The following CDH18 variants were observed in gnomAD, a reference collection of about 807,000 sequenced individuals.
CDH18 encodes the protein cadherin 18.
Under a neutral mutation model 67.9 loss-of-function variants are expected in CDH18, and 31 were observed. That is an observed-to-expected ratio of 0.46 (90% CI 0.34 to 0.62). The LOEUF is 0.62. Among genes scored for constraint, CDH18 ranks in the 20% least tolerant of loss-of-function variants. The probability of loss-of-function intolerance (pLI) is 0.01; values close to 1 mark genes in which losing one functional copy is unlikely to be tolerated. For missense variants in CDH18, 890 were observed against 975.5 expected (o/e 0.91, Z 1.17); for synonymous variants, 362 against 347.2 (o/e 1.04, Z -0.48).
chr5:19,809,383 A>G lies in CDH18; in HGVS notation c.228+29376T>C, dbSNP rs150116583. ...ACTTTCATTCTCCTTAAGATATAGA[A>G]TTAGAATGGAGCTGTCTGAAGAAAG... On this transcript the variant is annotated intron_variant, in intron 3 of 12. Coordinates refer to ENST00000382275, the MANE Select transcript of CDH18 (RefSeq NM_004934.5). 5.9e-3 allele frequency among the ~76,000 whole-genome samples: 897 copies of G among 152,292 alleles called. 6 individuals are homozygous for G. The highest frequency in any genetic ancestry group is 0.021 in the African/African-American group (869 of 41,568).
At chr5:20,571,832 T>C (rs1758838051) in intron 1 of CDH18, among the ~76,000 whole-genome samples, 2 of 152,094 alleles carry the variant, frequency 1.3e-5, no homozygotes, top group Admixed American at 1.3e-4. Context: ...TCACATTGTG[T>C]ATGTCACTTC....
At chr5:20,184,794 CTG>C (rs1354527064) in intron 2 of CDH18, among the ~76,000 whole-genome samples, 1 of 152,086 alleles carries the variant, frequency 6.6e-6, no homozygotes, top group Admixed American at 6.6e-5. Flanking sequence ...GAAAAAGGGA[CTG>C]TGTGTTCTAA....
intron 8 of CDH18, among the ~76,000 whole-genome samples, chr5:19,561,116 T>G (rs1310974619): frequency 6.6e-6 from 1 of 152,082 alleles, no homozygotes; most frequent in Non-Finnish European, 1.5e-5. Flanking sequence ...CTTACAGAAC[T>G]AAAAGTACAT....
At chr5:20,474,743 T>C (rs758956318) in intron 1 of CDH18, among the ~76,000 whole-genome samples, 37 of 152,220 alleles carry the variant, frequency 2.4e-4, no homozygotes, top group Non-Finnish European at 5.0e-4. Flanking sequence ...TTGCCATTTA[T>C]TGGGGGTCAG....
chr5:20,159,797 T>C (rs531673088), intron 2 of CDH18, among the ~76,000 whole-genome samples: 3 of 152,308 alleles, frequency 2.0e-5, no homozygotes, highest in Admixed American at 1.3e-4. Context: ...CTGAGAACTA[T>C]GGCTTCTCTT....
chr5:20,465,210 A>C (rs1015147758), intron 1 of CDH18, among the ~76,000 whole-genome samples: 2 of 152,002 alleles, frequency 1.3e-5, no homozygotes, highest in African/African-American at 4.8e-5. Context: ...AAGAGTAAGC[A>C]ATGAAGAGAA....
Position 19,483,423 on chromosome 5 carries a change from C to T in CDH18, c.1760G>A (p.Arg587Lys). ...SLSSSSTLTI[R>K]VCACERDGRV... ...CCCATCTCTCTCGCATGCACAAACC[C>T]TGATGGTGAGGGTGCTGCTGCTGCT... Residue 587 changes from arginine (R) to lysine (K), a missense_variant, in exon 12 of 13, where the codon AGG becomes AAG. Physicochemically the swap from Arg to Lys is conservative, Grantham distance 26. This residue lies in a region of CDH18 where 656 missense variants were observed against 668.1 expected (regional missense o/e 0.98). Coordinates refer to ENST00000382275, the MANE Select transcript of CDH18 (RefSeq NM_004934.5). 6.2e-7 allele frequency: 1 copy of T among 1,614,138 alleles called. No individual in the cohort carries two copies. The highest frequency in any genetic ancestry group is 8.5e-7 in the Non-Finnish European group (1 of 1,180,018).
chr5:20,460,213 T>C (rs1214841736), intron 1 of CDH18, among the ~76,000 whole-genome samples: 1 of 151,752 alleles, frequency 6.6e-6, no homozygotes, highest in Non-Finnish European at 1.5e-5. Context: ...GCCAATGTGG[T>C]GAAACCTGTC....
intron 2 of CDH18, among the ~76,000 whole-genome samples, chr5:19,929,782 G>T (rs1311864687): frequency 1.3e-5 from 2 of 151,896 alleles, no homozygotes; most frequent in African/African-American, 4.8e-5. Context: ...CCTCTTATTT[G>T]CATTCATTAT....
chr5:19,784,336 T>G (rs1039908861), intron 3 of CDH18, among the ~76,000 whole-genome samples: 1 of 152,170 alleles, frequency 6.6e-6, no homozygotes, highest in Non-Finnish European at 1.5e-5. Flanking sequence ...CTTACCATGA[T>G]CTGGCAAAGT....
intron 2 of CDH18, among the ~76,000 whole-genome samples, chr5:20,201,654 T>A (rs1178279467): frequency 6.6e-6 from 1 of 152,102 alleles, no homozygotes; most frequent in African/African-American, 2.4e-5. Context: ...AAATATATAA[T>A]ACATGAATAA....
chr5:20,382,839 G>GT (rs908467607), intron 1 of CDH18, among the ~76,000 whole-genome samples: 2 of 152,026 alleles, frequency 1.3e-5, no homozygotes, highest in African/African-American at 4.8e-5. Flanking sequence ...AGTGTGGACT[G>GT]TTTTTTTCTC....
At chr5:19,988,520 C>T (rs1018894888), upstream of CDH18, among the ~76,000 whole-genome samples, 5 of 152,184 alleles carry the variant, frequency 3.3e-5, no homozygotes, top group African/African-American at 7.2e-5. Flanking sequence ...CCTGATCCAA[C>T]GGCATCATCT....
chr5:20,336,706 G>T (rs1739785370), intron 1 of CDH18, among the ~76,000 whole-genome samples: 1 of 113,460 alleles, frequency 8.8e-6, no homozygotes, highest in African/African-American at 3.6e-5. Flanking sequence ...CTGGGCAACA[G>T]AGAGGGAGCC....
intron 2 of CDH18, among the ~76,000 whole-genome samples, chr5:19,894,407 T>C (rs1406614286): frequency 6.6e-6 from 1 of 151,878 alleles, no homozygotes; most frequent in Non-Finnish European, 1.5e-5. Context: ...ATACTTAATA[T>C]GAGAAATAGA....
At position 19,869,833 on chromosome 5, in the gene CDH18, T is replaced by C. The variant is rs189294682; in HGVS notation, c.-256-30591A>G. On this transcript the variant is annotated intron_variant, in intron 2 of 12. Transcript: ENST00000382275. Reference sequence around the variant, plus strand: ...ATTCTGTTATACTAACTCCCAAAATTCTAGTAAGGCAAATCTCTGCCTACT... The same window carrying C: ...ATTCTGTTATACTAACTCCCAAAATCCTAGTAAGGCAAATCTCTGCCTACT... 8.5e-5 allele frequency among the ~76,000 whole-genome samples: 13 copies of C among 152,236 alleles called. No homozygotes were observed. The East Asian group carries it at 2.3e-3, about 27-fold the overall frequency.
intron 2 of CDH18, among the ~76,000 whole-genome samples, chr5:19,913,964 G>T (rs1159221964): frequency 6.6e-6 from 1 of 152,108 alleles, no homozygotes; most frequent in South Asian, 2.1e-4. Context: ...GAAACAATGC[G>T]ATTATTTTAG....
intron 1 of CDH18, among the ~76,000 whole-genome samples, chr5:20,331,174 C>A (rs1196499575): frequency 6.6e-6 from 1 of 152,132 alleles, no homozygotes; most frequent in African/African-American, 2.4e-5. Context: ...CCTCTGTCTA[C>A]CCTTTGGGAA....
At chr5:20,223,124 G>A (rs939113666) in intron 2 of CDH18, among the ~76,000 whole-genome samples, 9 of 152,048 alleles carry the variant, frequency 5.9e-5, no homozygotes, top group East Asian at 3.9e-4. Flanking sequence ...ATGCCAACCC[G>A]TGAAAGCAGC....
Sources: allele counts gnomAD v4.1 joint callset (sites outside exome capture counted in the v4.1 genomes callset), GRCh38; gene constraint gnomAD v4.1.1; regional missense constraint gnomAD v4.1.1; transcripts MANE v1.5; gene names NCBI Gene and HGNC (gene_info 2026-07-23, HGNC 2026-07-21).